The following CFDP1 variants were observed in gnomAD, a reference collection of about 807,000 sequenced individuals.
CFDP1 encodes chromatin remodeling protein CFDP1.
In CFDP1, 31 loss-of-function variants were observed where a neutral mutation model predicts 40.1. The ratio of observed to expected loss-of-function variants is 0.77; its 90% confidence interval spans 0.58 to 1.04. The LOEUF is 1.04. Ranked by LOEUF, CFDP1 falls within the 50% of genes least tolerant of loss-of-function variation. The pLI is 0.00. For synonymous variants in CFDP1, 167 were observed against 120.0 expected (o/e 1.39, Z -2.56); for missense variants, 423 against 343.4 (o/e 1.23, Z -1.83).
chr16:75,303,503 A>ACC (rs36137262), intron 6 of CFDP1, among the ~76,000 whole-genome samples: 31,319 of 127,734 alleles, frequency 0.25, 5,198 homozygotes, highest in African/African-American at 0.35. Context: ...TAGAAATATG[A>ACC]CCCCCCCCAA....
chr16:75,320,778 T>C (rs2078357704), intron 5 of CFDP1, among the ~76,000 whole-genome samples: 1 of 152,198 alleles, frequency 6.6e-6, no homozygotes, highest in Non-Finnish European at 1.5e-5. Flanking sequence ...GATGGTCTCA[T>C]GTGAATTAAA....
intron 6 of CFDP1, among the ~76,000 whole-genome samples, chr16:75,299,031 C>T (rs908293725): frequency 2.6e-5 from 4 of 152,146 alleles, no homozygotes; most frequent in Non-Finnish European, 5.9e-5. Flanking sequence ...AGTTGGCCCC[C>T]GCCTTAGCAC....
intron 4 of CFDP1, among the ~76,000 whole-genome samples, chr16:75,411,430 G>A (rs1403406310): frequency 6.6e-6 from 1 of 151,998 alleles, no homozygotes; most frequent in Non-Finnish European, 1.5e-5. Flanking sequence ...AAATAATATT[G>A]AAACCAAATT....
chr16:75,413,557 A>C, intron 2 of CFDP1, among the ~76,000 whole-genome samples: 1 of 150,096 alleles, frequency 6.7e-6, no homozygotes, highest in Non-Finnish European at 1.5e-5. Context: ...TGTCTCAAAA[A>C]AAAAAAAAAA....
chr16:75,326,345 C>A (rs1307172969), intron 5 of CFDP1, among the ~76,000 whole-genome samples: 1 of 152,210 alleles, frequency 6.6e-6, no homozygotes, highest in Non-Finnish European at 1.5e-5. Flanking sequence ...TAAAAACCAA[C>A]ACTGAATGGA....
chr16:75,306,592 T>A (rs2078258601), intron 5 of CFDP1: 2 of 152,162 alleles, frequency 1.3e-5, no homozygotes, highest in African/African-American at 2.4e-5. Context: ...TGTATTAAGT[T>A]GGACAAATAA....
chr16:75,305,628 C>A (rs959193507), intron 5 of CFDP1, among the ~76,000 whole-genome samples: 3 of 152,178 alleles, frequency 2.0e-5, no homozygotes, highest in Non-Finnish European at 2.9e-5. Context: ...GTGTATCTTA[C>A]ACGTAAAGGG....
chr16:75,324,448 ATTG>A (rs2078389277), intron 5 of CFDP1, among the ~76,000 whole-genome samples: 1 of 152,078 alleles, frequency 6.6e-6, no homozygotes, highest in Non-Finnish European at 1.5e-5. Flanking sequence ...AATTTTAAAA[ATTG>A]TTGTTGCTGG....
At chr16:75,369,414 A>G (rs932693852) in intron 5 of CFDP1, among the ~76,000 whole-genome samples, 2 of 152,090 alleles carry the variant, frequency 1.3e-5, no homozygotes, top group African/African-American at 4.8e-5. Context: ...ACCCACAAAA[A>G]AACAAAAAGC....
At chr16:75,387,879 G>C (rs1368774217) in intron 5 of CFDP1, among the ~76,000 whole-genome samples, 1 of 151,682 alleles carries the variant, frequency 6.6e-6, no homozygotes, top group Non-Finnish European at 1.5e-5. Context: ...CAAAAGTATA[G>C]AAAATGGTTA....
At chr16:75,314,887 G>A (rs2078314642) in intron 5 of CFDP1, among the ~76,000 whole-genome samples, 1 of 152,102 alleles carries the variant, frequency 6.6e-6, no homozygotes, top group Non-Finnish European at 1.5e-5. Flanking sequence ...ACATAGCTGG[G>A]ATTACCGGCA....
At chr16:75,304,785 G>A (rs1004385544) in intron 6 of CFDP1, among the ~76,000 whole-genome samples, 1 of 152,156 alleles carries the variant, frequency 6.6e-6, no homozygotes, top group Non-Finnish European at 1.5e-5. Context: ...TGGCAGATGT[G>A]ACTGGCCCCT....
chr16:75,350,975 G>A (rs1445184496), intron 5 of CFDP1, among the ~76,000 whole-genome samples: 2 of 151,858 alleles, frequency 1.3e-5, no homozygotes, highest in Non-Finnish European at 2.9e-5. Flanking sequence ...TACATTTCTA[G>A]TGAGATAAAA....
intron 5 of CFDP1, among the ~76,000 whole-genome samples, chr16:75,316,059 T>C (rs750329062): frequency 1.3e-5 from 2 of 152,126 alleles, no homozygotes; most frequent in Non-Finnish European, 2.9e-5. Flanking sequence ...ATGTTGCTCA[T>C]TGGATTTATC....
chr16:75,362,540 T>C (rs1465068665), intron 5 of CFDP1, among the ~76,000 whole-genome samples: 1 of 152,172 alleles, frequency 6.6e-6, no homozygotes, highest in African/African-American at 2.4e-5. Context: ...GTTTGGAAAA[T>C]ATGCTCACCA....
chr16:75,364,595 T>A lies in CFDP1; in HGVS notation c.650+30495A>T, dbSNP rs932678348. Among the ~76,000 whole-genome samples the A allele has an allele frequency of 3.3e-5, 5 of 152,148 alleles. No homozygotes were observed. The East Asian group carries it at 9.6e-4, about 29-fold the overall frequency. ...TGGAATGTGTGAAGAAGATGCAGAG[T>A]CAGCTATCTTCAATGAAGACAGATA... On this transcript the variant is annotated intron_variant, in intron 5 of 6. Transcript: ENST00000283882.
At chr16:75,426,686 C>CA (rs922797588) in intron 1 of CFDP1, among the ~76,000 whole-genome samples, 5 of 151,078 alleles carry the variant, frequency 3.3e-5, no homozygotes, top group African/African-American at 7.3e-5. Context: ...AAAAAAACAC[C>CA]AAAAAAAATT....
intron 5 of CFDP1, among the ~76,000 whole-genome samples, chr16:75,318,638 T>TCA (rs2078341836): frequency 6.6e-6 from 1 of 152,072 alleles, no homozygotes; most frequent in African/African-American, 2.4e-5. Flanking sequence ...TCTCCTGACC[T>TCA]TGTGATCCGC....
intron 5 of CFDP1, among the ~76,000 whole-genome samples, chr16:75,372,017 T>A (rs1395073651): frequency 6.6e-6 from 1 of 152,190 alleles, no homozygotes; most frequent in Non-Finnish European, 1.5e-5. Flanking sequence ...AAAACAGCTC[T>A]ATGAAGTAGG....
Sources: gnomAD v4.1 joint callset for allele counts (sites outside exome capture counted in the v4.1 genomes callset) on GRCh38, gnomAD v4.1.1 for gene constraint, MANE v1.5 for transcripts, NCBI Gene and HGNC (gene_info 2026-07-23, HGNC 2026-07-21) for gene names.